The following RAPGEF6 variants were observed in gnomAD, a reference collection of about 807,000 sequenced individuals.
RAPGEF6 encodes the protein Rap guanine nucleotide exchange factor 6.
In RAPGEF6, 56 loss-of-function variants were observed where a neutral mutation model predicts 171.4. The observed-to-expected ratio is 0.33, with a 90% CI of 0.26 to 0.41. The LOEUF is 0.41. Among genes scored for constraint, RAPGEF6 ranks in the 10% least tolerant of loss-of-function variants. The pLI, the probability that RAPGEF6 is intolerant of heterozygous loss-of-function variation, is 1.00. For synonymous variants in RAPGEF6, 692 were observed against 650.1 expected (o/e 1.06, Z -0.98); for missense variants, 1,674 against 1,921.4 (o/e 0.87, Z 2.41).
At chr5:131,448,887 G>A (rs1022075590) in intron 21 of RAPGEF6, among the ~76,000 whole-genome samples, 17 of 152,124 alleles carry the variant, frequency 1.1e-4, no homozygotes, top group African/African-American at 3.4e-4. Context: ...TCAGTGAGAA[G>A]AGCCAAAAGA....
chr5:131,556,867 G>C (rs76287061), intron 5 of RAPGEF6, among the ~76,000 whole-genome samples: 188 of 152,116 alleles, frequency 1.2e-3, no homozygotes, highest in African/African-American at 4.1e-3. Context: ...CTAAGAACAT[G>C]GTATCTCTTT....
Position 131,508,105 on chromosome 5 carries a change from T to C in RAPGEF6, c.908A>G (p.Gln303Arg). 1 of 1,612,638 alleles carries C rather than the reference T, an allele frequency of 6.2e-7. No individual in the cohort carries two copies. The highest frequency in any genetic ancestry group is 8.5e-7 in the Non-Finnish European group (1 of 1,179,294). ...ATCTTCAAGAATAATAGCTCCAGCC[T>C]GCTCTACCACTTCAAAAATCATCAC... ...CSVMIFEVVE[Q>R]AGAIILEDGQ... Residue 303 changes from glutamine to arginine, a missense_variant, in exon 9 of 28, where the codon CAG becomes CGG. Around this residue, in one of 3 missense-constraint regions of RAPGEF6, gnomAD observed 1,116 missense variants for 1,321.5 expected, o/e 0.84. Transcript: ENST00000509018.
At chr5:131,434,435 C>T (rs1362007401) in intron 24 of RAPGEF6, among the ~76,000 whole-genome samples, 1 of 152,090 alleles carries the variant, frequency 6.6e-6, no homozygotes, top group Non-Finnish European at 1.5e-5. Context: ...AATGAGGTCT[C>T]ATTATGTTGC....
At chr5:131,457,739 T>C (rs1446325634) in intron 19 of RAPGEF6, among the ~76,000 whole-genome samples, 2 of 152,156 alleles carry the variant, frequency 1.3e-5, no homozygotes, top group Non-Finnish European at 2.9e-5. Flanking sequence ...CTTGAGTATG[T>C]GAGGATTTTG....
intron 1 of RAPGEF6, among the ~76,000 whole-genome samples, chr5:131,622,604 C>T (rs1229702054): frequency 6.6e-6 from 1 of 152,076 alleles, no homozygotes; most frequent in Admixed American, 6.6e-5. Context: ...TTAATAAAAT[C>T]GCTCATTCTA....
chr5:131,487,807 A>G (rs1338429286), intron 15 of RAPGEF6, among the ~76,000 whole-genome samples: 1 of 152,242 alleles, frequency 6.6e-6, no homozygotes, highest in Admixed American at 6.5e-5. Flanking sequence ...TTGATACAGG[A>G]CAACCTAACT....
At chr5:131,627,969 T>A (rs1019400120) in intron 1 of RAPGEF6, among the ~76,000 whole-genome samples, 1 of 152,224 alleles carries the variant, frequency 6.6e-6, no homozygotes, top group Non-Finnish European at 1.5e-5. Context: ...CAAACGTAAC[T>A]GATGTATGTG....
chr5:131,536,209 T>C (rs1254321177), intron 6 of RAPGEF6, among the ~76,000 whole-genome samples: 1 of 152,188 alleles, frequency 6.6e-6, no homozygotes, highest in Non-Finnish European at 1.5e-5. Flanking sequence ...GAAAACACTT[T>C]AAGTCTTTTG....
At chr5:131,592,732 C>CA (rs1177601774) in intron 3 of RAPGEF6, among the ~76,000 whole-genome samples, 3 of 151,860 alleles carry the variant, frequency 2.0e-5, no homozygotes, top group Middle Eastern at 3.4e-3. Flanking sequence ...TACATTTTAG[C>CA]AAAAAACAAC....
chr5:131,528,083 T>A (rs112396207), intron 6 of RAPGEF6, among the ~76,000 whole-genome samples: 3 of 123,006 alleles, frequency 2.4e-5, no homozygotes, highest in African/African-American at 9.9e-5. Context: ...TAATTTATAT[T>A]ATATGTAATA....
intron 22 of RAPGEF6, among the ~76,000 whole-genome samples, chr5:131,445,962 T>C (rs1752665187): frequency 6.6e-6 from 1 of 152,182 alleles, no homozygotes. Context: ...CTTGCTTGTA[T>C]TTAATTAAAA....
intron 1 of RAPGEF6, among the ~76,000 whole-genome samples, chr5:131,634,335 TGAA>T (rs1266113529): frequency 6.6e-6 from 1 of 151,304 alleles, no homozygotes; most frequent in African/African-American, 2.5e-5. Context: ...GAAGGTCGAA[TGAA>T]AAATCTTTTA....
chr5:131,603,321 C>A lies in RAPGEF6; in HGVS notation c.147G>T (p.Met49Ile). 1 of 1,540,826 alleles carries A rather than the reference C, an allele frequency of 6.5e-7. No individual in the cohort carries two copies. Among genetic ancestry groups the A allele is most frequent in the East Asian group, 2.4e-5 (1 of 41,530 alleles). ...SNLREHQLRL[M>I]SARARYERYS... ...ATCTCTCATAGCGTGCTCTTGCAGA[C>A]ATTAATCTATTAAAAAAAAAAATTG... The change falls in exon 3 of 28, where the codon ATG becomes ATT. Residue 49 changes from methionine (M) to isoleucine (I), a missense_variant. Transcript: ENST00000509018.
intron 5 of RAPGEF6, among the ~76,000 whole-genome samples, chr5:131,554,244 G>C (rs1165762117): frequency 6.6e-6 from 1 of 152,026 alleles, no homozygotes; most frequent in South Asian, 2.1e-4. Flanking sequence ...GTTATTTTCA[G>C]ACAAAAAAGA....
intron 12 of RAPGEF6, among the ~76,000 whole-genome samples, chr5:131,498,192 A>G (rs1271552596): frequency 6.6e-6 from 1 of 152,202 alleles, no homozygotes; most frequent in Non-Finnish European, 1.5e-5. Flanking sequence ...TGTAACTATT[A>G]TGTTTCCTGA....
chr5:131,572,701 T>C (rs1258544759), intron 4 of RAPGEF6, among the ~76,000 whole-genome samples: 1 of 152,152 alleles, frequency 6.6e-6, no homozygotes, highest in Non-Finnish European at 1.5e-5. Context: ...ACCTTCGTCC[T>C]TAAATTTACC....
At chr5:131,465,987 A>T (rs1754308964) in intron 17 of RAPGEF6, among the ~76,000 whole-genome samples, 1 of 151,576 alleles carries the variant, frequency 6.6e-6, no homozygotes, top group African/African-American at 2.4e-5. Context: ...TTATCTCAAA[A>T]TGTCCTGAGG....
At chr5:131,596,027 G>A (rs1362216952) in intron 3 of RAPGEF6, among the ~76,000 whole-genome samples, 3 of 151,880 alleles carry the variant, frequency 2.0e-5, no homozygotes, top group Non-Finnish European at 4.4e-5. Flanking sequence ...GGTGGTACGC[G>A]CCTGTAATAC....
In RAPGEF6 at chr5:131,490,583, C is replaced by T. The variant is rs142390283; in HGVS notation, c.1732-929G>A. 4.8e-3 allele frequency among the ~76,000 whole-genome samples: 728 copies of T among 152,172 alleles called. 5 individuals carry two copies. Among genetic ancestry groups the T allele is most frequent in the African/African-American group, 0.017 (691 of 41,510 alleles). On this transcript the variant is annotated intron_variant, in intron 14 of 27. Coordinates refer to ENST00000509018, the MANE Select transcript of RAPGEF6 (RefSeq NM_016340.6). ...CCCAAAGGTACCTACAAAAGAAGCGCAAAGAGTTTGGACTTCTCTTGGGCA... is the reference window on the plus strand; with the variant it reads ...CCCAAAGGTACCTACAAAAGAAGCGTAAAGAGTTTGGACTTCTCTTGGGCA...
Sources: gnomAD v4.1 joint callset for allele counts (sites outside exome capture counted in the v4.1 genomes callset) on GRCh38, gnomAD v4.1.1 for gene constraint, gnomAD v4.1.1 regional missense constraint, MANE v1.5 for transcripts, NCBI Gene and HGNC (gene_info 2026-07-23, HGNC 2026-07-21) for gene names.